Variants in ERC2 observed in about 807,000 individuals in gnomAD.
The protein encoded by ERC2 is ERC protein 2.
ERC2 carries 42 observed loss-of-function variants against 114.8 expected under a neutral mutation model. The observed-to-expected ratio is 0.37, with a 90% confidence interval of 0.29 to 0.47. ERC2 has a LOEUF of 0.47. ERC2 is among the 20% of genes least tolerant of loss of function. ERC2 has a pLI of 0.99. For missense variants in ERC2, 939 were observed against 1,150.7 expected, an observed-to-expected ratio of 0.82 and a Z score of 2.66; for synonymous variants, 454 against 425.5, an observed-to-expected ratio of 1.07 and a Z score of -0.82.
At chr3:56,133,435 G>T (rs1350634804) in intron 6 of ERC2, among the ~76,000 whole-genome samples, 1 of 151,912 alleles carries the variant, frequency 6.6e-6, no homozygotes, top group Non-Finnish European at 1.5e-5. Context: ...AGACCCCGCT[G>T]CAAAAAAATA....
intron 2 of ERC2, among the ~76,000 whole-genome samples, chr3:56,296,818 C>T (rs554254217): frequency 1.2e-3 from 183 of 152,198 alleles, no homozygotes; most frequent in African/African-American, 4.0e-3. Context: ...TCCTTGTTTC[C>T]TAAGGTATTC....
chr3:56,197,647 A>C (rs746317837), intron 3 of ERC2, among the ~76,000 whole-genome samples: 2 of 152,222 alleles, frequency 1.3e-5, no homozygotes, highest in African/African-American at 4.8e-5. Flanking sequence ...AGAAAGGGTG[A>C]TATTTCTGTT....
intron 17 of ERC2, among the ~76,000 whole-genome samples, chr3:55,524,835 G>A (rs938369876): frequency 6.6e-6 from 1 of 152,194 alleles, no homozygotes; most frequent in African/African-American, 2.4e-5. Flanking sequence ...GTGGGCTGAG[G>A]TGTTCAATCA....
intron 17 of ERC2, among the ~76,000 whole-genome samples, chr3:55,608,478 A>G (rs17055498): frequency 0.29 from 44,727 of 152,100 alleles, 8,581 homozygotes; most frequent in African/African-American, 0.55. Flanking sequence ...ACTTCAGATC[A>G]CAAAGAGGTC....
chr3:56,109,314 G>A (rs551920228), intron 6 of ERC2, among the ~76,000 whole-genome samples: 2 of 152,130 alleles, frequency 1.3e-5, no homozygotes, highest in South Asian at 4.2e-4. Flanking sequence ...AAAGATAATG[G>A]CCTCCAGCTC....
intron 14 of ERC2, among the ~76,000 whole-genome samples, chr3:55,755,248 C>T (rs1403346671): frequency 2.0e-5 from 3 of 152,132 alleles, no homozygotes; most frequent in Non-Finnish European, 4.4e-5. Flanking sequence ...GTGCTTTTAG[C>T]TGCCCACTTA....
rs759115384 is a variant in ERC2, at chr3:55,950,343, T to C, written c.2403+82A>G. On this transcript the variant is annotated intron_variant, in intron 13 of 17. Coordinates refer to ENST00000288221, the MANE Select transcript of ERC2 (RefSeq NM_015576.3). ...AGGCAAAGTCCACCATTTCTGTGCA[T>C]ATTTTCTGGCACCAATGGTGACATT... is the stretch of plus-strand genomic sequence containing the variant. 1.4e-4 allele frequency: 212 copies of C among 1,535,994 alleles called. 1 individual carries two copies. Among genetic ancestry groups the C allele is most frequent in the Non-Finnish European group, 1.4e-4 (155 of 1,128,940 alleles).
At chr3:55,763,922 A>G (rs2067605291) in intron 14 of ERC2, among the ~76,000 whole-genome samples, 1 of 152,218 alleles carries the variant, frequency 6.6e-6, no homozygotes, top group Non-Finnish European at 1.5e-5. Flanking sequence ...GCCTCTTTTT[A>G]AAATAAATGT....
At chr3:55,698,430 G>A (rs560294030) in intron 16 of ERC2, among the ~76,000 whole-genome samples, 5 of 152,240 alleles carry the variant, frequency 3.3e-5, no homozygotes, top group South Asian at 4.2e-4. Flanking sequence ...ACAGAGCCAC[G>A]TGAAAAGTTT....
In ERC2 at chr3:56,328,490, C is replaced by A. The variant is rs531040246; in HGVS notation, c.658-32055G>T. On this transcript the variant is annotated intron_variant, in intron 2 of 17. Coordinates refer to ENST00000288221, the MANE Select transcript of ERC2 (RefSeq NM_015576.3). ...ACTGAGCTGAAAATGCATGTGATAT[C>A]TTACACCCATACTAGAGGAAGATAA... Among the ~76,000 whole-genome samples the A allele has an allele frequency of 2.6e-5, 4 of 152,260 alleles. No homozygotes were observed. The South Asian group carries it at 8.3e-4, about 32-fold the overall frequency.
intron 6 of ERC2, among the ~76,000 whole-genome samples, chr3:56,120,127 T>C (rs2149854198): frequency 1.3e-5 from 2 of 152,134 alleles, no homozygotes; most frequent in Admixed American, 1.3e-4. Context: ...GTTGCCAGCA[T>C]TGAAAAAAAA....
chr3:56,216,943 A>G (rs1269731796), intron 3 of ERC2, among the ~76,000 whole-genome samples: 5 of 152,052 alleles, frequency 3.3e-5, no homozygotes, highest in African/African-American at 1.2e-4. Context: ...ATTCAACAAC[A>G]CTTCATGCTA....
chr3:56,103,226 T>C (rs2078454065), intron 6 of ERC2, among the ~76,000 whole-genome samples: 1 of 152,100 alleles, frequency 6.6e-6, no homozygotes, highest in Non-Finnish European at 1.5e-5. Context: ...GCTTAGAGAA[T>C]CTGAAGTGAG....
intron 12 of ERC2, among the ~76,000 whole-genome samples, chr3:55,959,255 C>G (rs2068190420): frequency 1.3e-5 from 2 of 152,212 alleles, no homozygotes; most frequent in Admixed American, 1.3e-4. Context: ...ATATTTCACT[C>G]TGGCGGAGGT....
At chr3:55,892,421 G>T (rs756986130) in intron 13 of ERC2, among the ~76,000 whole-genome samples, 1 of 152,182 alleles carries the variant, frequency 6.6e-6, no homozygotes, top group Non-Finnish European at 1.5e-5. Flanking sequence ...ACCCTGGGGG[G>T]CTGAGGCAAG....
chr3:55,856,305 G>C (rs7617166), intron 14 of ERC2, among the ~76,000 whole-genome samples: 12,747 of 152,230 alleles, frequency 0.084, 622 homozygotes, highest in South Asian at 0.15. Context: ...ATTCCACCCA[G>C]AGAAGGGTTT....
At chr3:55,553,914 G>C (rs945589756) in intron 17 of ERC2, among the ~76,000 whole-genome samples, 2 of 152,154 alleles carry the variant, frequency 1.3e-5, no homozygotes, top group Admixed American at 6.5e-5. Context: ...CTAACTTTAG[G>C]ACGTGGGAAT....
chr3:56,290,234 A>G (rs1560530412), intron 3 of ERC2, among the ~76,000 whole-genome samples: 1 of 152,220 alleles, frequency 6.6e-6, no homozygotes, highest in East Asian at 1.9e-4. Flanking sequence ...CATACCAACC[A>G]TTATGAATTC....
chr3:56,281,190 C>A (rs2054314893), intron 3 of ERC2, among the ~76,000 whole-genome samples: 1 of 151,998 alleles, frequency 6.6e-6, no homozygotes, highest in Non-Finnish European at 1.5e-5. Context: ...GTAATCCCAG[C>A]ACTTTGGGAG....
Sources: allele counts gnomAD v4.1 joint callset (sites outside exome capture counted in the v4.1 genomes callset), GRCh38; gene constraint gnomAD v4.1.1; transcripts MANE v1.5; gene names NCBI Gene and HGNC (gene_info 2026-07-23, HGNC 2026-07-21).